AFF3: variants seen among roughly 807,000 people sequenced by gnomAD.
AFF3 encodes ALF transcription elongation factor 3.
AFF3 carries 32 observed loss-of-function variants against 129.7 expected under a neutral mutation model. That is an observed-to-expected ratio of 0.25 (90% CI 0.19 to 0.33). The LOEUF (loss-of-function observed/expected upper bound fraction) is 0.33. AFF3 is among the 10% of genes least tolerant of loss of function. The pLI is 1.00. For missense variants in AFF3, 1,373 were observed against 1,592.0 expected, an observed-to-expected ratio of 0.86 and a Z score of 2.34; for synonymous variants, 644 against 635.4, an observed-to-expected ratio of 1.01 and a Z score of -0.20.
At chr2:99,999,804 A>G (rs946395108) in intron 7 of AFF3, among the ~76,000 whole-genome samples, 3 of 152,218 alleles carry the variant, frequency 2.0e-5, no homozygotes, top group Non-Finnish European at 4.4e-5. Context: ...CCATCTGGCC[A>G]GCAAATGGAG....
intron 13 of AFF3, among the ~76,000 whole-genome samples, chr2:99,618,653 G>A (rs1175427234): frequency 6.6e-6 from 1 of 152,132 alleles, no homozygotes; most frequent in Non-Finnish European, 1.5e-5. Context: ...TAACCAGTAA[G>A]AATTCTTCCA....
At chr2:99,900,395 T>A (rs748229533) in intron 7 of AFF3, among the ~76,000 whole-genome samples, 2 of 152,124 alleles carry the variant, frequency 1.3e-5, no homozygotes, top group Non-Finnish European at 2.9e-5. Context: ...ACATTTCCAA[T>A]CCAAATATGT....
chr2:99,919,416 G>C (rs1458623996), intron 7 of AFF3, among the ~76,000 whole-genome samples: 1 of 152,114 alleles, frequency 6.6e-6, no homozygotes, highest in Non-Finnish European at 1.5e-5. Context: ...TCGAATACGG[G>C]ATGGCTCCTT....
chr2:99,753,384 G>A (rs1200970180), intron 8 of AFF3, among the ~76,000 whole-genome samples: 1 of 152,172 alleles, frequency 6.6e-6, no homozygotes, highest in Non-Finnish European at 1.5e-5. Flanking sequence ...ACAGGCATAA[G>A]CTACTGCGCC....
intron 11 of AFF3, among the ~76,000 whole-genome samples, chr2:99,721,946 G>A (rs796402514): frequency 5.9e-5 from 9 of 152,202 alleles, no homozygotes; most frequent in African/African-American, 2.2e-4. Context: ...AATTCACTGA[G>A]GCTCTGTTGA....
At chr2:99,678,436 G>C (rs891778282) in intron 11 of AFF3, among the ~76,000 whole-genome samples, 1 of 152,134 alleles carries the variant, frequency 6.6e-6, no homozygotes, top group Non-Finnish European at 1.5e-5. Flanking sequence ...TATTGCAAAC[G>C]GGCACGTTAA....
chr2:100,005,576 A>G (rs1681895595), intron 7 of AFF3, among the ~76,000 whole-genome samples: 1 of 152,242 alleles, frequency 6.6e-6, no homozygotes, highest in Non-Finnish European at 1.5e-5. Flanking sequence ...TTTTGCTTCC[A>G]TTAGTTTCTA....
In AFF3 at chr2:99,859,729, T is replaced by C. The variant is rs532918305; in HGVS notation, c.874-22205A>G. Among the ~76,000 whole-genome samples the C allele has an allele frequency of 8.1e-4, 124 of 152,336 alleles. No individual in the cohort carries two copies. In the Middle Eastern group the frequency reaches 0.01, roughly 13 times the overall value. ...TGGTACAGAATATTTTCAAAGCCTT[T>C]GTCTGAACAAGAGAAGAAGTTGCAA... On this transcript the variant is annotated intron_variant, in intron 7 of 24. Coordinates refer to ENST00000672756, the MANE Select transcript of AFF3 (RefSeq NM_001386135.1).
chr2:99,842,123 G>A (rs1358973485), intron 7 of AFF3, among the ~76,000 whole-genome samples: 4 of 152,132 alleles, frequency 2.6e-5, no homozygotes, highest in Non-Finnish European at 5.9e-5. Context: ...TGTGTCCTTA[G>A]AAGTAGGAGG....
chr2:99,861,351 G>A (rs1473686645), intron 7 of AFF3, among the ~76,000 whole-genome samples: 1 of 152,180 alleles, frequency 6.6e-6, no homozygotes, highest in Non-Finnish European at 1.5e-5. Context: ...GAGTAGAGAA[G>A]TGGCCAAGAA....
At chr2:99,730,442 GT>G in intron 10 of AFF3, among the ~76,000 whole-genome samples, 1 of 151,404 alleles carries the variant, frequency 6.6e-6, no homozygotes, top group East Asian at 1.9e-4. Flanking sequence ...GACTAAATAT[GT>G]TTTTTGAAAA....
At chr2:99,995,473 C>T (rs569889510) in intron 7 of AFF3, among the ~76,000 whole-genome samples, 4 of 151,808 alleles carry the variant, frequency 2.6e-5, no homozygotes, top group Non-Finnish European at 4.4e-5. Flanking sequence ...CCCGGGTTCA[C>T]GCCATTCTCC....
chr2:100,114,132 A>G (rs1476914789), intron 2 of AFF3, among the ~76,000 whole-genome samples: 1 of 152,198 alleles, frequency 6.6e-6, no homozygotes, highest in Non-Finnish European at 1.5e-5. Context: ...GTCTTCTGAG[A>G]AGCCAGAGAA....
intron 13 of AFF3, among the ~76,000 whole-genome samples, chr2:99,626,159 G>T (rs72966276): frequency 0.059 from 8,935 of 152,174 alleles, 878 homozygotes; most frequent in African/African-American, 0.2. Context: ...AGAAATGTTG[G>T]AATTTAATAA....
intron 4 of AFF3, among the ~76,000 whole-genome samples, chr2:100,036,894 C>A (rs1054167377): frequency 6.6e-6 from 1 of 151,000 alleles, no homozygotes; most frequent in African/African-American, 2.4e-5. Context: ...TTTTTACCTA[C>A]CAAATAGGCA....
At chr2:99,855,537 A>G (rs1422723027) in intron 7 of AFF3, among the ~76,000 whole-genome samples, 1 of 152,230 alleles carries the variant, frequency 6.6e-6, no homozygotes, top group Admixed American at 6.5e-5. Context: ...TCTAATGGCT[A>G]AAGCTAGAAC....
intron 8 of AFF3, among the ~76,000 whole-genome samples, chr2:99,826,242 TG>T (rs1056565682): frequency 6.6e-6 from 1 of 152,148 alleles, no homozygotes; most frequent in Non-Finnish European, 1.5e-5. Flanking sequence ...CTCGACCTCC[TG>T]ACCACAGGTG....
At chr2:99,863,809 T>C (rs953140895) in intron 7 of AFF3, among the ~76,000 whole-genome samples, 1 of 152,178 alleles carries the variant, frequency 6.6e-6, no homozygotes, top group Non-Finnish European at 1.5e-5. Flanking sequence ...ACATGACAGG[T>C]TCATGCTCAG....
At chr2:99,813,694 G>A (rs140063500) in intron 8 of AFF3, among the ~76,000 whole-genome samples, 1 of 152,222 alleles carries the variant, frequency 6.6e-6, no homozygotes, top group East Asian at 1.9e-4. Context: ...CCTGGTTAGA[G>A]CCTTCTCTGT....
Sources: allele counts gnomAD v4.1 joint callset (sites outside exome capture counted in the v4.1 genomes callset), GRCh38; gene constraint gnomAD v4.1.1; transcripts MANE v1.5; gene names NCBI Gene and HGNC (gene_info 2026-07-23, HGNC 2026-07-21).